The following CENPF variants were observed in gnomAD, a reference collection of about 807,000 sequenced individuals.
CENPF encodes the protein AH antigen.
A neutral mutation model predicts 307.3 loss-of-function variants in CENPF; 214 were observed. The ratio of observed to expected loss-of-function variants is 0.70; its 90% CI spans 0.62 to 0.78. CENPF has a LOEUF of 0.78. Ranked by LOEUF, CENPF falls within the 30% of genes least tolerant of loss-of-function variation. The probability of loss-of-function intolerance (pLI) is 0.00; values close to 1 mark genes in which losing one functional copy is unlikely to be tolerated. For missense variants in CENPF, 3,401 were observed against 3,483.9 expected (o/e 0.98, Z 0.60); for synonymous variants, 1,259 against 1,270.6 (o/e 0.99, Z 0.19).
chr1:214,629,102 A>G lies in CENPF; in HGVS notation c.1125A>G (p.Arg375=), dbSNP rs778835582. The change falls in exon 8 of 20, where the codon CGA becomes CGG. Residue 375 remains arginine (R), a synonymous_variant. Transcript: ENST00000366955. ...KKLTEDLSCQ[R]QNAESARCSL... is the part of the protein sequence containing the mutation. ...TGACGGAAGATTTGAGTTGTCAGCG[A>G]CAAAATGCAGAAAGTGCCAGATGTT... 1.9e-6 allele frequency: 3 copies of G among 1,612,384 alleles called. No homozygotes were observed. The highest frequency in any genetic ancestry group is 2.5e-6 in the Non-Finnish European group (3 of 1,179,466).
intron 1 of CENPF, among the ~76,000 whole-genome samples, chr1:214,606,599 C>T (rs565918289): frequency 3.2e-4 from 48 of 152,322 alleles, no homozygotes; most frequent in African/African-American, 1.1e-3. Context: ...CAATTTTGGA[C>T]TCTCGGAGTC....
chr1:214,626,485 G>T (rs1366924033), intron 7 of CENPF, among the ~76,000 whole-genome samples: 1 of 152,166 alleles, frequency 6.6e-6, no homozygotes, highest in African/African-American at 2.4e-5. Flanking sequence ...AGATTGATTA[G>T]ATATATAAAG....
intron 9 of CENPF, among the ~76,000 whole-genome samples, chr1:214,631,202 CCCTTAGTCTT>C (rs1657798802): frequency 6.6e-6 from 1 of 152,154 alleles, no homozygotes; most frequent in Admixed American, 6.5e-5. Context: ...AACTGTTCCT[CCCTTAGTCTT>C]CCTTACCCTG....
In CENPF at chr1:214,663,668, T is replaced by C. The variant is rs1347645015; in HGVS notation, c.9219T>C (p.Asn3073=). 1 of 1,613,924 alleles carries C rather than the reference T, an allele frequency of 6.2e-7. No homozygotes were observed. Among genetic ancestry groups the C allele is most frequent in the South Asian group, 1.1e-5 (1 of 91,042 alleles). Residue 3073 remains asparagine, a synonymous_variant, in exon 20 of 20, where the codon AAT becomes AAC. Transcript: ENST00000366955. ...REPTTKSVPV[N]NLPERSPTDS... ...CCACCACGAAATCCGTCCCAGTCAA[T>C]AATCTTCCTGAGAGAAGTCCGACTG...
At chr1:214,611,431 T>A (rs973345462) in intron 1 of CENPF, among the ~76,000 whole-genome samples, 3 of 152,100 alleles carry the variant, frequency 2.0e-5, no homozygotes. Flanking sequence ...AGTGGTGCGA[T>A]CTCAGCTCAC....
intron 9 of CENPF, among the ~76,000 whole-genome samples, chr1:214,631,656 C>T (rs1307415113): frequency 2.0e-5 from 3 of 152,084 alleles, no homozygotes; most frequent in Non-Finnish European, 2.9e-5. Flanking sequence ...CCTGCCACCA[C>T]GCCTGGCTGA....
At position 214,647,413 on chromosome 1, in the gene CENPF, A is replaced by G. The variant is rs1255484227; in HGVS notation, c.7830+13A>G. ...CTTTGTTGAAAAAGTAAGTGGCTAT[A>G]TCTGTTTATGTTTAAATATGTAGTC... On this transcript the variant is annotated intron_variant, in intron 13 of 19. Transcript: ENST00000366955. The G allele has an allele frequency of 6.3e-7, 1 of 1,592,476 alleles. No homozygotes were observed. The highest frequency in any genetic ancestry group is 1.8e-5 in the Admixed American group (1 of 57,110).
At position 214,647,391 on chromosome 1, in the gene CENPF, T is replaced by G. The variant is rs773384267; in HGVS notation, c.7821T>G (p.Phe2607Leu). The G allele has an allele frequency of 3.1e-6, 5 of 1,604,664 alleles. No homozygotes were observed. In the African/African-American group the frequency reaches 5.4e-5, roughly 17 times the overall value. Residue 2607 changes from phenylalanine (F) to leucine (L), a missense_variant, in exon 13 of 20, where the codon TTT becomes TTG. Coordinates refer to ENST00000366955, the MANE Select transcript of CENPF (RefSeq NM_016343.4). Reference protein sequence around the residue: ...LELTKMDKMSFVEKVNKMTAK... With the variant: ...LELTKMDKMSLVEKVNKMTAK... ...TGACAAAAATGGACAAAATGTCCTTTGTTGAAAAAGTAAGTGGCTATATCT... is the reference window on the plus strand; with the variant it reads ...TGACAAAAATGGACAAAATGTCCTTGGTTGAAAAAGTAAGTGGCTATATCT...
chr1:214,631,083 A>G (rs914776896), intron 9 of CENPF, among the ~76,000 whole-genome samples: 1 of 152,220 alleles, frequency 6.6e-6, no homozygotes, highest in Non-Finnish European at 1.5e-5. Flanking sequence ...CTGGATGTCT[A>G]TTCTAGACTT....
intron 11 of CENPF, 70 bp downstream of exon 11, chr1:214,638,071 T>C: frequency 7.0e-7 from 1 of 1,431,272 alleles, no homozygotes; most frequent in Non-Finnish European, 9.4e-7. Flanking sequence ...TGGATGGCAT[T>C]AACATATTAG....
rs918342723 is a variant in CENPF at position 214,619,115 on chromosome 1, T to C, written c.482-14T>C. ...ATGACTGAAAGAAAACTGTATTTGATTGTCTGTTTCTAGGTTCCAAGTATG... is the reference window on the plus strand; with the variant it reads ...ATGACTGAAAGAAAACTGTATTTGACTGTCTGTTTCTAGGTTCCAAGTATG... On this transcript the variant is annotated splice_polypyrimidine_tract_variant and intron_variant, in intron 4 of 19. Coordinates refer to ENST00000366955, the MANE Select transcript of CENPF (RefSeq NM_016343.4). 2.4e-6 allele frequency: 3 copies of C among 1,246,798 alleles called. No individual in the cohort carries two copies. The highest frequency in any genetic ancestry group is 2.0e-5 in the Admixed American group (1 of 49,616). The allele number at this position is 1,246,798 out of a possible 1,614,324, so 77.2% of individuals were successfully genotyped here.
At chr1:214,634,100 G>A (rs76108612) in intron 10 of CENPF, among the ~76,000 whole-genome samples, 2,740 of 152,284 alleles carry the variant, frequency 0.018, 86 homozygotes, top group African/African-American at 0.061. Flanking sequence ...GGTCTGGTCC[G>A]TGAGCTGTAG....
chr1:214,629,400 C>T (rs1657743964), intron 8 of CENPF, among the ~76,000 whole-genome samples: 1 of 151,902 alleles, frequency 6.6e-6, no homozygotes, highest in Admixed American at 6.6e-5. Flanking sequence ...CAGAATTCAT[C>T]CATGTTTTCT....
intron 6 of CENPF, among the ~76,000 whole-genome samples, chr1:214,621,391 T>G (rs963754876): frequency 6.6e-6 from 1 of 152,208 alleles, no homozygotes; most frequent in Non-Finnish European, 1.5e-5. Context: ...CCTGTAACCT[T>G]GGCTGCTGTG....
In CENPF at chr1:214,606,710, C is replaced by A. The variant is rs543437991; in HGVS notation, c.-42+3389C>A. 5.1e-4 allele frequency among the ~76,000 whole-genome samples: 77 copies of A among 152,168 alleles called. 1 individual carries two copies. The highest frequency in any genetic ancestry group is 1.9e-3 in the African/African-American group (77 of 41,528). ...ACCAGCACCTTCCCTTGGGAGTGGA[C>A]AAGTCCTCGGCCACCTCAGCATCAC... On this transcript the variant is annotated intron_variant, in intron 1 of 19. Coordinates refer to ENST00000366955, the MANE Select transcript of CENPF (RefSeq NM_016343.4).
Position 214,641,205 on chromosome 1 carries a change from A to C in CENPF, c.2867A>C (p.Lys956Thr), listed in dbSNP as rs1369737053. ...LLSETLSLEKKEMSSIISLNK... is the reference protein window; with the variant it reads ...LLSETLSLEKTEMSSIISLNK... ...TCCGAAACCCTAAGCTTGGAGAAGA[A>C]AGAAATGAGTTCCATCATTTCTCTA... is the stretch of plus-strand genomic sequence containing the variant. Residue 956 changes from lysine (K) to threonine (T), a missense_variant, in exon 12 of 20, where the codon AAA (lysine) becomes ACA (threonine). Physicochemically the swap from Lys to Thr is moderately conservative, Grantham distance 78. Transcript: ENST00000366955. 6.2e-7 allele frequency: 1 copy of C among 1,609,136 alleles called. No individual in the cohort carries two copies. Among genetic ancestry groups the C allele is most frequent in the African/African-American group, 1.3e-5 (1 of 74,530 alleles).
At chr1:214,611,398 C>T (rs1657196782) in intron 1 of CENPF, among the ~76,000 whole-genome samples, 1 of 151,586 alleles carries the variant, frequency 6.6e-6, no homozygotes. Context: ...GAGTTTCGCT[C>T]TTTGTTGCCC....
At chr1:214,629,353 A>G (rs189112537) in intron 8 of CENPF, among the ~76,000 whole-genome samples, 182 bp downstream of exon 8, 4 of 152,216 alleles carry the variant, frequency 2.6e-5, no homozygotes, top group Admixed American at 2.6e-4. Context: ...CTTTTTTTAA[A>G]TCTTTCAGTT....
Position 214,663,629 on chromosome 1 carries a change from C to T in CENPF, c.9180C>T (p.Thr3060=), listed in dbSNP as rs1658841639. Residue 3060 remains threonine, a synonymous_variant, in exon 20 of 20, where the codon ACC becomes ACT. Coordinates refer to ENST00000366955, the MANE Select transcript of CENPF (RefSeq NM_016343.4). ...VAQRSPVDSG[T]ILREPTTKSV... is the part of the protein sequence containing the mutation. ...AGCGGAGCCCAGTAGATTCAGGCACCATCCTCCGAGAACCCACCACGAAAT... is the reference window on the plus strand; with the variant it reads ...AGCGGAGCCCAGTAGATTCAGGCACTATCCTCCGAGAACCCACCACGAAAT... The T allele has an allele frequency of 6.2e-7, 1 of 1,614,156 alleles. No homozygotes were observed. The highest frequency in any genetic ancestry group is 8.5e-7 in the Non-Finnish European group (1 of 1,180,028).
Sources: gnomAD v4.1 joint callset for allele counts (sites outside exome capture counted in the v4.1 genomes callset) on GRCh38, gnomAD v4.1.1 for gene constraint, MANE v1.5 for transcripts, NCBI Gene and HGNC (gene_info 2026-07-23, HGNC 2026-07-21) for gene names.